Variants in NCOA2 observed in about 807,000 individuals in gnomAD.
NCOA2 encodes the protein class E basic helix-loop-helix protein 75.
Under a neutral mutation model 145.1 loss-of-function variants are expected in NCOA2, and 21 were observed. The ratio of observed to expected loss-of-function variants is 0.14; its 90% CI spans 0.10 to 0.21. NCOA2 has a LOEUF of 0.21. Among genes scored for constraint, NCOA2 ranks in the 10% least tolerant of loss-of-function variants. NCOA2 has a pLI of 1.00. For synonymous variants in NCOA2, 619 were observed against 637.5 expected (o/e 0.97, Z 0.44); for missense variants, 1,472 against 1,837.6 (o/e 0.80, Z 3.64).
At chr8:70,417,996 A>G in the NCOA2 span, among the ~76,000 whole-genome samples, 1 of 152,180 alleles carries the variant, frequency 6.6e-6, no homozygotes, top group African/African-American at 2.4e-5. Flanking sequence ...TAGTGGAAGA[A>G]TTCCTCCCTT....
intron 2 of NCOA2, chr8:70,273,761 T>TA (rs1825249632): frequency 1.7e-6 from 1 of 600,274 alleles, no homozygotes; most frequent in East Asian, 3.9e-5. Flanking sequence ...AAGCACCACT[T>TA]ACTACTGGAG....
chr8:70,281,204 A>G (rs1825847439), intron 2 of NCOA2, among the ~76,000 whole-genome samples: 1 of 151,872 alleles, frequency 6.6e-6, no homozygotes, highest in African/African-American at 2.4e-5. Flanking sequence ...AAATACAAAA[A>G]TTAGCTGGGC....
At chr8:70,380,992 G>A (rs965497086) in intron 1 of NCOA2, among the ~76,000 whole-genome samples, 5 of 151,602 alleles carry the variant, frequency 3.3e-5, no homozygotes, top group Admixed American at 6.6e-5. Flanking sequence ...AGGATCACCT[G>A]AGTCCAGGAG....
chr8:70,346,766 G>A (rs116373815), intron 1 of NCOA2, among the ~76,000 whole-genome samples: 1,740 of 152,296 alleles, frequency 0.011, 43 homozygotes, highest in African/African-American at 0.04. Context: ...TACTCAAGCT[G>A]TTAGGTTGCA....
chr8:70,279,536 C>A (rs1475700798), intron 2 of NCOA2, among the ~76,000 whole-genome samples: 1 of 152,166 alleles, frequency 6.6e-6, no homozygotes, highest in East Asian at 1.9e-4. Flanking sequence ...GCTTACCCCT[C>A]TACAACACAT....
the NCOA2 span, among the ~76,000 whole-genome samples, chr8:70,437,615 T>C: frequency 6.6e-6 from 1 of 152,246 alleles, no homozygotes; most frequent in Non-Finnish European, 1.5e-5. Context: ...TGTTTCCCAG[T>C]GCATAAGACA....
At chr8:70,224,605 T>A (rs1235929756) in intron 2 of NCOA2, among the ~76,000 whole-genome samples, 1 of 152,142 alleles carries the variant, frequency 6.6e-6, no homozygotes, top group African/African-American at 2.4e-5. Context: ...AAAGTGCTTA[T>A]AAGGTGCAGA....
intron 19 of NCOA2, 96 bp downstream of exon 19, chr8:70,126,717 C>T (rs1251893449): frequency 9.6e-7 from 1 of 1,042,806 alleles, no homozygotes; most frequent in East Asian, 2.5e-5. Flanking sequence ...ATCTGGGAGC[C>T]ATGCAAAGAG....
At chr8:70,221,644 G>C (rs1795280303) in intron 2 of NCOA2, among the ~76,000 whole-genome samples, 1 of 152,128 alleles carries the variant, frequency 6.6e-6, no homozygotes, top group African/African-American at 2.4e-5. Flanking sequence ...AGGGTTAATT[G>C]GTCGAAATTA....
chr8:70,303,880 G>C (rs1264163331), intron 1 of NCOA2, among the ~76,000 whole-genome samples: 8 of 151,946 alleles, frequency 5.3e-5, no homozygotes, highest in Non-Finnish European at 1.0e-4. Context: ...CAAGACTAGA[G>C]CATGCCACCC....
intron 14 of NCOA2, among the ~76,000 whole-genome samples, chr8:70,140,551 T>C (rs1429652561): frequency 6.6e-6 from 1 of 151,698 alleles, no homozygotes; most frequent in African/African-American, 2.4e-5. Flanking sequence ...GATATTGTTC[T>C]GATGATCACA....
intron 2 of NCOA2, among the ~76,000 whole-genome samples, chr8:70,241,273 C>G (rs930755022): frequency 1.3e-5 from 2 of 152,032 alleles, no homozygotes; most frequent in Non-Finnish European, 2.9e-5. Flanking sequence ...CTTTCAGATC[C>G]CAGAACTACA....
At chr8:70,151,697 C>T (rs1386019436) in intron 11 of NCOA2, among the ~76,000 whole-genome samples, 3 of 152,192 alleles carry the variant, frequency 2.0e-5, no homozygotes, top group South Asian at 2.1e-4. Context: ...TCAAGCTTGG[C>T]ATCTGAAAAA....
At chr8:70,301,613 G>A (rs1007228647) in intron 1 of NCOA2, among the ~76,000 whole-genome samples, 2 of 130,990 alleles carry the variant, frequency 1.5e-5, no homozygotes, top group African/African-American at 6.0e-5. Context: ...TCGTGATCAC[G>A]CCACTGCATT....
chr8:70,189,743 G>T (rs576806049), intron 4 of NCOA2, among the ~76,000 whole-genome samples: 1 of 152,146 alleles, frequency 6.6e-6, no homozygotes, highest in Non-Finnish European at 1.5e-5. Flanking sequence ...GCACTGCCAC[G>T]GTTAAGCCAA....
In NCOA2 at chr8:70,382,264, C is replaced by T. The variant is rs182646648; in HGVS notation, c.-77+21436G>A. Among the ~76,000 whole-genome samples, 54 of 152,046 alleles carry T rather than the reference C, an allele frequency of 3.6e-4. No homozygotes were observed. In the East Asian group the frequency reaches 9.2e-3, roughly 26 times the overall value. On this transcript the variant is annotated intron_variant, in intron 1 of 22. Coordinates refer to ENST00000452400, the MANE Select transcript of NCOA2 (RefSeq NM_006540.4). ...CTTCTTCTAAGAAAAGTCAGTGCCC[C>T]GAGGCCAGGAGGAGGCCCACCTGAC...
chr8:70,211,431 C>T (rs1037397683), intron 4 of NCOA2, among the ~76,000 whole-genome samples: 1 of 151,366 alleles, frequency 6.6e-6, no homozygotes, highest in Non-Finnish European at 1.5e-5. Flanking sequence ...TGCACTCCAG[C>T]CTGGGCAACA....
rs1825037225 is a variant in NCOA2, at chr8:70,271,437, A to T, written c.-20+25307T>A. Among the ~76,000 whole-genome samples the T allele has an allele frequency of 2.0e-5, 3 of 152,190 alleles. No homozygotes were observed. In the South Asian group the frequency reaches 6.2e-4, roughly 31 times the overall value. On this transcript the variant is annotated intron_variant, in intron 2 of 22. Transcript: ENST00000452400. ...ATAAGCAGTCATTATGCTCTTTTGT[A>T]ATCTCTAATGGGAAAACTAAGAAGT...
the NCOA2 span, among the ~76,000 whole-genome samples, chr8:70,450,501 T>C: frequency 6.6e-6 from 1 of 151,996 alleles, no homozygotes. Flanking sequence ...TTCTGTTGTT[T>C]ATAAACTACC....
Sources: allele counts gnomAD v4.1 joint callset (sites outside exome capture counted in the v4.1 genomes callset), GRCh38; gene constraint gnomAD v4.1.1; transcripts MANE v1.5; gene names NCBI Gene and HGNC (gene_info 2026-07-23, HGNC 2026-07-21).